Variants in VRTN observed in about 807,000 individuals in gnomAD.
VRTN encodes vertnin.
VRTN carries 5 observed loss-of-function variants against 18.2 expected under a neutral mutation model. The ratio of observed to expected loss-of-function variants is 0.27; its 90% confidence interval spans 0.14 to 0.58. The LOEUF is 0.58. Ranked by LOEUF, VRTN falls within the 20% of genes least tolerant of loss-of-function variation. The pLI, the probability that VRTN is intolerant of heterozygous loss-of-function variation, is 0.91. For synonymous variants in VRTN, 381 were observed against 393.7 expected, an observed-to-expected ratio of 0.97 and a Z score of 0.38; for missense variants, 741 against 939.4, an observed-to-expected ratio of 0.79 and a Z score of 2.76.
chr14:74,357,364 G>A lies in VRTN; in HGVS notation c.581G>A (p.Arg194His), dbSNP rs1197460141. 3 of 1,613,748 alleles carry A rather than the reference G, an allele frequency of 1.9e-6. No homozygotes were observed. Among genetic ancestry groups the A allele is most frequent in the African/African-American group, 1.3e-5 (1 of 74,876 alleles). ...AACATCTACTCCATCTACCCCATGC[G>A]CAACCTCAAGATCCGGCCCTACTTC... ...QRNIYSIYPM[R>H]NLKIRPYFNR... is the part of the protein sequence containing the mutation. Residue 194 changes from arginine to histidine, a missense_variant, in exon 2 of 2, where the codon CGC becomes CAC. Physicochemically the swap from Arg to His is conservative, Grantham distance 29. Transcript: ENST00000256362. The surrounding 1 kb of genome is among the most constrained non-coding windows in gnomAD (Gnocchi z 7.8).
At chr14:74,337,285 G>A (rs1391279571) in intron 1 of VRTN, among the ~76,000 whole-genome samples, 1 of 152,164 alleles carries the variant, frequency 6.6e-6, no homozygotes, top group Non-Finnish European at 1.5e-5. Context: ...GGAGGTTGCA[G>A]TGAGCCGAGA....
At chr14:74,306,125 T>A (rs886928091) in intron 1 of VRTN, 6 of 143,720 alleles carry the variant, frequency 4.2e-5, no homozygotes, top group Non-Finnish European at 9.0e-5. Flanking sequence ...ATATGTAAAA[T>A]ATATATATGT....
At chr14:74,356,542 G>A (rs2085728598) in intron 1 of VRTN, among the ~76,000 whole-genome samples, 1 of 152,196 alleles carries the variant, frequency 6.6e-6, no homozygotes, top group Admixed American at 6.5e-5. Context: ...GAAGCATAGA[G>A]AGGTTAAGTG....
At chr14:74,333,016 C>A (rs115767394) in intron 1 of VRTN, among the ~76,000 whole-genome samples, 2,849 of 152,266 alleles carry the variant, frequency 0.019, 112 homozygotes, top group African/African-American at 0.066. Context: ...AGCTAGATTT[C>A]TTTGAAGGCA....
upstream of VRTN, among the ~76,000 whole-genome samples, chr14:74,344,244 T>TCCAAAAAAAAAAAAAAAAAA (rs760737512): frequency 2.0e-3 from 5 of 2,476 alleles, no homozygotes; most frequent in African/African-American, 9.4e-3. Flanking sequence ...CTCTGCTTTC[T>TCCAAAAAAAAAAAAAAAAAA]ACAAAAAAAA....
chr14:74,325,735 ACTCCAG>A (rs1178355907), intron 1 of VRTN, among the ~76,000 whole-genome samples: 1 of 152,158 alleles, frequency 6.6e-6, no homozygotes, highest in Non-Finnish European at 1.5e-5. Context: ...GCACCACTGT[ACTCCAG>A]CCTGGGCAAC....
intron 1 of VRTN, among the ~76,000 whole-genome samples, chr14:74,312,716 G>A (rs1025024625): frequency 1.3e-5 from 2 of 148,980 alleles, no homozygotes; most frequent in East Asian, 2.0e-4. Context: ...CTCCCTAAGC[G>A]CTGGGGTTAC....
Position 74,358,424 on chromosome 14 carries a change from T to C in VRTN, c.1641T>C (p.Leu547=). The change falls in exon 2 of 2, where the codon CTT becomes CTC. Residue 547 remains leucine, a synonymous_variant. Transcript: ENST00000256362. The surrounding 1 kb of genome is among the most constrained non-coding windows in gnomAD (Gnocchi z 5.4). ...CTGCCTTTTGGGTCTGGAAGAGTCTTGCTCGGGGTTGGCCCAGAGGCCTGT... is the reference window on the plus strand; with the variant it reads ...CTGCCTTTTGGGTCTGGAAGAGTCTCGCTCGGGGTTGGCCCAGAGGCCTGT... The part of the protein sequence containing the change: ...SPSAFWVWKS[L]ARGWPRGLSK... 1.2e-6 allele frequency: 2 copies of C among 1,614,156 alleles called. No homozygotes were observed. Among genetic ancestry groups the C allele is most frequent in the South Asian group, 2.2e-5 (2 of 91,086 alleles).
At chr14:74,320,019 C>T (rs567086950) in intron 1 of VRTN, among the ~76,000 whole-genome samples, 1 of 151,972 alleles carries the variant, frequency 6.6e-6, no homozygotes, top group Non-Finnish European at 1.5e-5. Context: ...GAGGTGGAGG[C>T]GGGAGGATTG....
Position 74,358,429 on chromosome 14 carries a change from G to C in VRTN, c.1646G>C (p.Arg549Pro), listed in dbSNP as rs771453510. 1 of 1,614,064 alleles carries C rather than the reference G, an allele frequency of 6.2e-7. No homozygotes were observed. The highest frequency in any genetic ancestry group is 1.3e-5 in the African/African-American group (1 of 74,954). Residue 549 changes from arginine to proline, a missense_variant, in exon 2 of 2, where the codon CGG becomes CCG. By Grantham distance (103) the Arg-to-Pro change is moderately radical (BLOSUM62 -2). Transcript: ENST00000256362. This position sits in a 1 kb window ranked among gnomAD's most constrained non-coding sequence, Gnocchi z 5.4. ...SAFWVWKSLA[R>P]GWPRGLSKLQ... ...TTTTGGGTCTGGAAGAGTCTTGCTC[G>C]GGGTTGGCCCAGAGGCCTGTCCAAA...
upstream of VRTN, among the ~76,000 whole-genome samples, chr14:74,345,966 C>A (rs887029544): frequency 1.3e-5 from 2 of 150,994 alleles, no homozygotes; most frequent in Admixed American, 1.3e-4. Flanking sequence ...AGGAAAATAC[C>A]CATAGAGAAA....
intron 1 of VRTN, among the ~76,000 whole-genome samples, chr14:74,310,606 C>T (rs1362177592): frequency 4.0e-5 from 6 of 149,646 alleles, no homozygotes; most frequent in African/African-American, 7.4e-5. Flanking sequence ...GGCACAATCC[C>T]GGCTCACTGC....
chr14:74,309,503 G>C (rs181344986), intron 1 of VRTN, among the ~76,000 whole-genome samples: 1 of 152,196 alleles, frequency 6.6e-6, no homozygotes, highest in Admixed American at 6.6e-5. Flanking sequence ...AGTGATTCTT[G>C]TGCTGTTTGT....
chr14:74,347,966 C>A (rs569140592), upstream of VRTN, among the ~76,000 whole-genome samples: 5 of 152,306 alleles, frequency 3.3e-5, no homozygotes, highest in African/African-American at 1.2e-4. Flanking sequence ...GGAAGGGAGA[C>A]TGCCCCATGA....
At chr14:74,314,028 G>A (rs1463331453) in intron 1 of VRTN, among the ~76,000 whole-genome samples, 1 of 152,176 alleles carries the variant, frequency 6.6e-6, no homozygotes, top group African/African-American at 2.4e-5. Context: ...TGAAGGGGTG[G>A]AAAGGTATAA....
intron 1 of VRTN, among the ~76,000 whole-genome samples, chr14:74,331,547 TATATATA>T (rs2085525383): frequency 3.7e-5 from 1 of 26,726 alleles, no homozygotes; most frequent in East Asian, 3.5e-3. Flanking sequence ...AAAAATTTTA[TATATATA>T]TATATATATA....
intron 1 of VRTN, among the ~76,000 whole-genome samples, chr14:74,310,625 C>A (rs1486950613): frequency 1.3e-5 from 2 of 150,586 alleles, no homozygotes; most frequent in Non-Finnish European, 3.0e-5. Flanking sequence ...GCAGCCTCCG[C>A]CTCCTGGGTT....
chr14:74,355,212 A>T (rs1348052589), intron 1 of VRTN, among the ~76,000 whole-genome samples: 1 of 151,972 alleles, frequency 6.6e-6, no homozygotes, highest in South Asian at 2.1e-4. Context: ...ATGGAAGCTG[A>T]TAAGTTTTTA....
Position 74,357,821 on chromosome 14 carries a change from C to T in VRTN, c.1038C>T (p.Thr346=). ...GGTTCCCGGAGATCTCCCGCTCAAC[C>T]TACTATGCCTGGAAGCATGAGCTGC... ...LQRFPEISRS[T]YYAWKHELLG... The change falls in exon 2 of 2, where the codon ACC becomes ACT. Residue 346 remains threonine, a synonymous_variant. Transcript: ENST00000256362. The surrounding 1 kb of genome is among the most constrained non-coding windows in gnomAD (Gnocchi z 7.8). The T allele has an allele frequency of 1.2e-6, 2 of 1,613,526 alleles. No individual in the cohort carries two copies. Among genetic ancestry groups the T allele is most frequent in the Non-Finnish European group, 1.7e-6 (2 of 1,180,046 alleles).
Sources: gnomAD v4.1 joint callset for allele counts (sites outside exome capture counted in the v4.1 genomes callset) on GRCh38, gnomAD v4.1.1 for gene constraint, Gnocchi (gnomAD v3.1) non-coding constraint, MANE v1.5 for transcripts, NCBI Gene and HGNC (gene_info 2026-07-23, HGNC 2026-07-21) for gene names.